KIT: variants seen among roughly 807,000 people sequenced by gnomAD.
The protein encoded by KIT is KIT proto-oncogene, receptor tyrosine kinase.
KIT carries 16 observed loss-of-function variants against 105.7 expected under a neutral mutation model. That is an observed-to-expected ratio of 0.15 (90% CI 0.10 to 0.23). KIT has a LOEUF of 0.23. KIT is among the 10% of genes least tolerant of loss of function. The pLI, the probability that KIT is intolerant of heterozygous loss-of-function variation, is 1.00. For synonymous variants in KIT, 438 were observed against 441.1 expected, an observed-to-expected ratio of 0.99 and a Z score of 0.09; for missense variants, 858 against 1,213.8, an observed-to-expected ratio of 0.71 and a Z score of 4.36.
chr4:54,680,536 C>T (rs1053995308), intron 1 of KIT, among the ~76,000 whole-genome samples: 2 of 151,740 alleles, frequency 1.3e-5, no homozygotes, highest in East Asian at 1.9e-4. Context: ...GGACTACAGG[C>T]GCCCGCCACC....
intron 2 of KIT, among the ~76,000 whole-genome samples, chr4:54,696,068 AATTAG>A (rs1720044845): frequency 6.6e-6 from 1 of 152,032 alleles, no homozygotes; most frequent in African/African-American, 2.4e-5. Flanking sequence ...CCTGAGAATC[AATTAG>A]GCCCTTTGGG....
chr4:54,725,385 G>A (rs1057492291), intron 8 of KIT, among the ~76,000 whole-genome samples: 1 of 152,142 alleles, frequency 6.6e-6, no homozygotes, highest in African/African-American at 2.4e-5. Flanking sequence ...GATTACAGGT[G>A]TGAGCTACTG....
intron 7 of KIT, among the ~76,000 whole-genome samples, chr4:54,722,321 A>G (rs906720334): frequency 2.0e-5 from 3 of 152,170 alleles, no homozygotes; most frequent in African/African-American, 7.2e-5. Context: ...TTTCATTTCT[A>G]TAAGTCATTC....
At chr4:54,658,561 A>G (rs1388429794) in intron 1 of KIT, among the ~76,000 whole-genome samples, 2 of 152,208 alleles carry the variant, frequency 1.3e-5, no homozygotes, top group Admixed American at 1.3e-4. Context: ...GGGCAAAGTT[A>G]GAGAGCCCTT....
intron 1 of KIT, among the ~76,000 whole-genome samples, chr4:54,659,806 TA>T (rs1036708340): frequency 8.5e-5 from 13 of 152,216 alleles, no homozygotes; most frequent in Non-Finnish European, 1.3e-4. Context: ...ATCTCCCTTT[TA>T]AAAAATTAAA....
intron 2 of KIT, chr4:54,696,000 C>T (rs1173727695): frequency 3.3e-6 from 2 of 601,062 alleles, no homozygotes; most frequent in Non-Finnish European, 5.9e-6. Flanking sequence ...GACTGTGATA[C>T]TCTTCCTAAT....
In KIT at chr4:54,738,429, A is replaced by G; in HGVS notation, c.2803A>G (p.Ile935Val). 5 of 1,613,930 alleles carry G rather than the reference A, an allele frequency of 3.1e-6. No homozygotes were observed. Among genetic ancestry groups the G allele is most frequent in the Non-Finnish European group, 4.2e-6 (5 of 1,179,958 alleles). ...EKQISESTNH[I>V]YSNLANCSPN... ...TTGACTATGGGCTTGTTTTCTCCAG[A>G]TTTACTCCAACTTAGCAAACTGCAG... The change falls in exon 21 of 21, where the codon ATT becomes GTT. Residue 935 changes from isoleucine (I) to valine (V), a missense_variant and splice_region_variant. By Grantham distance (29) the Ile-to-Val change is conservative. This residue lies in a region of KIT where 105 missense variants were observed against 103.5 expected (regional missense o/e 1.01). Coordinates refer to ENST00000288135, the MANE Select transcript of KIT (RefSeq NM_000222.3).
intron 7 of KIT, among the ~76,000 whole-genome samples, chr4:54,714,430 A>T (rs11726190): frequency 0.36 from 54,853 of 151,692 alleles, 11,612 homozygotes; most frequent in Non-Finnish European, 0.48. Context: ...TAATATATCC[A>T]TTTGGCTTTT....
intron 6 of KIT, among the ~76,000 whole-genome samples, chr4:54,709,219 T>C (rs1720983559): frequency 6.6e-6 from 1 of 152,200 alleles, no homozygotes; most frequent in Admixed American, 6.5e-5. Flanking sequence ...CACTCTGTGG[T>C]CTCTCACAAC....
chr4:54,733,203 A>T lies in KIT; in HGVS notation c.2484+11A>T, dbSNP rs2109802187. ...GTGGTTAAAGGAAACGTGAGTACCC[A>T]TTCTCTGCTTGACAGTCCTGCAAAG... On this transcript the variant is annotated intron_variant, in intron 17 of 20. Coordinates refer to ENST00000288135, the MANE Select transcript of KIT (RefSeq NM_000222.3). The T allele has an allele frequency of 6.2e-7, 1 of 1,611,642 alleles. No homozygotes were observed. The highest frequency in any genetic ancestry group is 8.5e-7 in the Non-Finnish European group (1 of 1,178,438).
intron 1 of KIT, among the ~76,000 whole-genome samples, chr4:54,678,378 C>A (rs975378459): frequency 1.4e-5 from 2 of 140,610 alleles, no homozygotes; most frequent in Non-Finnish European, 3.1e-5. Flanking sequence ...CCCTCCCTCC[C>A]CCAATCCCTG....
intron 4 of KIT, 76 bp from the exon 5 acceptor site, chr4:54,703,643 TTTTAA>T (rs1720592786): frequency 5.8e-6 from 7 of 1,216,444 alleles, no homozygotes; most frequent in Non-Finnish European, 8.3e-6. Context: ...TTGCTGCTAT[TTTTAA>T]TTTATCTAGG....
chr4:54,682,788 G>A (rs1468973017), intron 1 of KIT, among the ~76,000 whole-genome samples: 3 of 141,650 alleles, frequency 2.1e-5, no homozygotes, highest in Non-Finnish European at 4.5e-5. Context: ...GTCTCGCCCC[G>A]TCACCCGAGC....
At chr4:54,673,749 A>T (rs980028281) in intron 1 of KIT, among the ~76,000 whole-genome samples, 1 of 152,202 alleles carries the variant, frequency 6.6e-6, no homozygotes, top group Non-Finnish European at 1.5e-5. Context: ...GAGTTTTCCT[A>T]TACTTTTAGG....
intron 1 of KIT, among the ~76,000 whole-genome samples, chr4:54,671,816 T>G (rs745602829): frequency 2.6e-5 from 4 of 152,196 alleles, no homozygotes; most frequent in Non-Finnish European, 5.9e-5. Context: ...GATAGTGTAA[T>G]GAACCCTCAT....
At chr4:54,678,203 G>T (rs1177401234) in intron 1 of KIT, among the ~76,000 whole-genome samples, 1 of 152,122 alleles carries the variant, frequency 6.6e-6, no homozygotes, top group Non-Finnish European at 1.5e-5. Context: ...ATAATTTTGT[G>T]CTTTGATAAC....
chr4:54,680,239 A>G (rs944339351), intron 1 of KIT, among the ~76,000 whole-genome samples: 5 of 152,150 alleles, frequency 3.3e-5, no homozygotes, highest in African/African-American at 1.2e-4. Context: ...ACACATGCAC[A>G]CAGATAGGCA....
chr4:54,724,366 T>C (rs1171744141), intron 8 of KIT, among the ~76,000 whole-genome samples: 1 of 152,222 alleles, frequency 6.6e-6, no homozygotes, highest in African/African-American at 2.4e-5. Flanking sequence ...ATAGTTAGTA[T>C]GGTCGCAGAA....
chr4:54,728,167 A>T, intron 13 of KIT, 46 bp downstream of exon 13: 2 of 1,334,306 alleles, frequency 1.5e-6, no homozygotes, highest in Non-Finnish European at 2.2e-6. Flanking sequence ...CAGGTTATCA[A>T]AACATGACAT....
Sources: allele counts gnomAD v4.1 joint callset (sites outside exome capture counted in the v4.1 genomes callset), GRCh38; gene constraint gnomAD v4.1.1; regional missense constraint gnomAD v4.1.1; transcripts MANE v1.5; gene names NCBI Gene and HGNC (gene_info 2026-07-23, HGNC 2026-07-21).